The following LMX1A variants were observed in gnomAD, a reference collection of about 807,000 sequenced individuals.
LMX1A encodes LIM homeobox transcription factor 1-alpha.
In LMX1A, 15 loss-of-function variants were observed where a neutral mutation model predicts 49.1. That is an observed-to-expected ratio of 0.31 (90% CI 0.20 to 0.47). The LOEUF is 0.47. Among genes scored for constraint, LMX1A ranks in the 20% least tolerant of loss-of-function variants. The probability of loss-of-function intolerance (pLI) is 1.00; values close to 1 mark genes in which losing one functional copy is unlikely to be tolerated. For synonymous variants in LMX1A, 167 were observed against 185.7 expected, an observed-to-expected ratio of 0.90 and a Z score of 0.82; for missense variants, 372 against 475.8, an observed-to-expected ratio of 0.78 and a Z score of 2.03.
intron 4 of LMX1A, among the ~76,000 whole-genome samples, chr1:165,221,041 T>C (rs1651823036): frequency 6.6e-6 from 1 of 152,202 alleles, no homozygotes; most frequent in Admixed American, 6.5e-5. Flanking sequence ...TGCCTTGTTA[T>C]CGGTTTTTTA....
At chr1:165,251,263 A>T (rs929087653) in intron 3 of LMX1A, among the ~76,000 whole-genome samples, 6 of 152,016 alleles carry the variant, frequency 3.9e-5, no homozygotes, top group Middle Eastern at 3.2e-3. Flanking sequence ...TTGTATTTTT[A>T]GTAGAGATGA....
chr1:165,229,107 T>A (rs1652151919), intron 4 of LMX1A, among the ~76,000 whole-genome samples: 1 of 152,104 alleles, frequency 6.6e-6, no homozygotes, highest in Non-Finnish European at 1.5e-5. Flanking sequence ...TATGTCATTA[T>A]TTTATGGACC....
intron 5 of LMX1A, 130 bp from the exon 6 acceptor site, chr1:165,210,906 G>A (rs1022584831): frequency 4.1e-6 from 2 of 490,864 alleles, no homozygotes; most frequent in South Asian, 4.9e-5. Flanking sequence ...TTTTAATGTT[G>A]AGCATACACA....
At chr1:165,223,136 T>C (rs2102613975) in intron 4 of LMX1A, among the ~76,000 whole-genome samples, 1 of 152,030 alleles carries the variant, frequency 6.6e-6, no homozygotes, top group East Asian at 1.9e-4. Context: ...AAAAATGGCC[T>C]AACTTCTCTA....
intron 4 of LMX1A, among the ~76,000 whole-genome samples, chr1:165,239,589 T>C (rs1161839116): frequency 6.6e-6 from 1 of 152,230 alleles, no homozygotes; most frequent in East Asian, 1.9e-4. Context: ...GTGAATTTTA[T>C]GGTAGTGATA....
intron 3 of LMX1A, among the ~76,000 whole-genome samples, chr1:165,333,645 C>G: frequency 6.6e-6 from 1 of 152,146 alleles, no homozygotes. Context: ...TGATAAAAAT[C>G]ATTTGTTCTC....
rs182177573 is a variant in LMX1A, at chr1:165,285,755, G to A, written c.264-36115C>T. On this transcript the variant is annotated intron_variant, in intron 3 of 8. Transcript: ENST00000342310. ...ACAGCAACGGGTTACTAAGGAAAGC[G>A]TGTAAGCTTCTTTTCCAAATGCCTT... is the stretch of plus-strand genomic sequence containing the variant. 6.2e-4 allele frequency among the ~76,000 whole-genome samples: 94 copies of A among 152,330 alleles called. 1 individual carries two copies. Among genetic ancestry groups the A allele is most frequent in the Admixed American group, 3.1e-3 (48 of 15,306 alleles).
At position 165,339,567 on chromosome 1, in the gene LMX1A, T is replaced by G. The variant is rs534559759; in HGVS notation, c.263+13509A>C. Among the ~76,000 whole-genome samples the G allele has an allele frequency of 2.6e-4, 39 of 152,298 alleles. No homozygotes were observed. The South Asian group carries it at 4.8e-3, about 19-fold the overall frequency. ...GAAATAGGTGGGAGCCTCGCTCTAC[T>G]GCCATTCCCAGGCCCATGACCCAGG... On this transcript the variant is annotated intron_variant, in intron 3 of 8. Coordinates refer to ENST00000342310, the MANE Select transcript of LMX1A (RefSeq NM_177398.4).
At chr1:165,264,420 G>GCA (rs145931955) in intron 3 of LMX1A, among the ~76,000 whole-genome samples, 22,924 of 151,150 alleles carry the variant, frequency 0.15, 1,891 homozygotes, top group African/African-American at 0.2. Context: ...GCATATGCTC[G>GCA]CACACACACA....
At chr1:165,295,918 C>T (rs1225989192) in intron 3 of LMX1A, among the ~76,000 whole-genome samples, 1 of 152,148 alleles carries the variant, frequency 6.6e-6, no homozygotes, top group East Asian at 1.9e-4. Context: ...GGGTGCCATC[C>T]TGGACTACAG....
At chr1:165,335,989 T>G (rs1035433321) in intron 3 of LMX1A, among the ~76,000 whole-genome samples, 1 of 152,114 alleles carries the variant, frequency 6.6e-6, no homozygotes, top group African/African-American at 2.4e-5. Flanking sequence ...ACTCTGCAAT[T>G]GGTTGGTATT....
At chr1:165,301,759 A>G (rs1654780527) in intron 3 of LMX1A, among the ~76,000 whole-genome samples, 1 of 152,232 alleles carries the variant, frequency 6.6e-6, no homozygotes, top group African/African-American at 2.4e-5. Context: ...AATAAGAAGA[A>G]TGAAAGAACA....
chr1:165,233,224 G>T (rs1652299805), intron 4 of LMX1A, among the ~76,000 whole-genome samples: 1 of 152,354 alleles, frequency 6.6e-6, no homozygotes, highest in African/African-American at 2.4e-5. Context: ...GAAGGCTAAG[G>T]TGAGTGGATT....
At chr1:165,308,007 C>A (rs1381159361) in intron 3 of LMX1A, among the ~76,000 whole-genome samples, 2 of 152,118 alleles carry the variant, frequency 1.3e-5, no homozygotes, top group African/African-American at 4.8e-5. Flanking sequence ...GGAGGTCAAG[C>A]AGCCAGAGAA....
intron 4 of LMX1A, among the ~76,000 whole-genome samples, chr1:165,236,410 C>G (rs1215502935): frequency 6.6e-6 from 1 of 151,956 alleles, no homozygotes; most frequent in Non-Finnish European, 1.5e-5. Context: ...TCTCTCTCCC[C>G]CACCCCTGCC....
chr1:165,299,910 A>G (rs1418825764), intron 3 of LMX1A, among the ~76,000 whole-genome samples: 1 of 152,072 alleles, frequency 6.6e-6, no homozygotes, highest in Non-Finnish European at 1.5e-5. Context: ...ACCTCCCCCA[A>G]GACAGGGAAA....
intron 3 of LMX1A, among the ~76,000 whole-genome samples, chr1:165,289,763 A>G (rs1260193903): frequency 1.3e-5 from 2 of 152,204 alleles, no homozygotes; most frequent in Non-Finnish European, 2.9e-5. Flanking sequence ...AAATGATGGC[A>G]CCCACCCTGC....
intron 3 of LMX1A, among the ~76,000 whole-genome samples, chr1:165,295,453 A>AAT (rs1289129405): frequency 2.0e-5 from 3 of 147,732 alleles, no homozygotes; most frequent in Non-Finnish European, 1.5e-5. Context: ...TAATATATAA[A>AAT]ATATATATAT....
At chr1:165,320,913 A>G (rs1655366842) in intron 3 of LMX1A, among the ~76,000 whole-genome samples, 1 of 152,242 alleles carries the variant, frequency 6.6e-6, no homozygotes, top group Non-Finnish European at 1.5e-5. Context: ...AAAGCTAAAC[A>G]TTATGTCCAT....
Sources: allele counts gnomAD v4.1 joint callset (sites outside exome capture counted in the v4.1 genomes callset), GRCh38; gene constraint gnomAD v4.1.1; transcripts MANE v1.5; gene names NCBI Gene and HGNC (gene_info 2026-07-23, HGNC 2026-07-21).